Variants in PPP1R1C observed in about 807,000 individuals in gnomAD.
PPP1R1C encodes protein phosphatase 1 regulatory subunit 1C.
In PPP1R1C, 15 loss-of-function variants were observed where a neutral mutation model predicts 17.4. The ratio of observed to expected loss-of-function variants is 0.86; its 90% CI spans 0.58 to 1.33. PPP1R1C has a LOEUF of 1.33. PPP1R1C is among the 40% of genes most tolerant of loss of function. The pLI, the probability that PPP1R1C is intolerant of heterozygous loss-of-function variation, is 0.00. For synonymous variants in PPP1R1C, 35 were observed against 43.1 expected (o/e 0.81, Z 0.73); for missense variants, 143 against 130.0 (o/e 1.10, Z -0.48).
At chr2:182,088,882 GCAACATTCCTTATT>G (rs917877237) in intron 4 of PPP1R1C, among the ~76,000 whole-genome samples, 9 of 152,062 alleles carry the variant, frequency 5.9e-5, no homozygotes, top group Admixed American at 2.0e-4. Context: ...CCTGGTGCAC[GCAACATTCCTTATT>G]CAACATTCCT....
At chr2:181,990,315 A>T (rs142762997) in intron 2 of PPP1R1C, among the ~76,000 whole-genome samples, 1 of 147,408 alleles carries the variant, frequency 6.8e-6, no homozygotes, top group Admixed American at 6.8e-5. Flanking sequence ...ATTTTTTTGT[A>T]TTTTTTTTTT....
chr2:181,962,082 T>A lies in PPP1R1C; in HGVS notation n.111+7448T>A. On this transcript the variant is annotated intron_variant and non_coding_transcript_variant, in intron 1 of 5. Transcript: ENST00000464264. The surrounding 1 kb of genome is among the most constrained non-coding windows in gnomAD (Gnocchi z 6.0). ...AAGATCTGAACCCTCAGGTCCTCGATGGTCTTGAGGTAATGACTCCAGTCT... is the reference window on the plus strand; with the variant it reads ...AAGATCTGAACCCTCAGGTCCTCGAAGGTCTTGAGGTAATGACTCCAGTCT... The A allele has an allele frequency of 2.8e-6, 2 of 721,806 alleles. No individual in the cohort carries two copies. The highest frequency in any genetic ancestry group is 3.5e-5 in the Admixed American group (2 of 57,168). 44.7% of individuals were successfully genotyped at this position (721,806 alleles called of 1,614,324 possible).
At chr2:181,982,664 G>A (rs974714406), upstream of PPP1R1C, among the ~76,000 whole-genome samples, 1 of 152,152 alleles carries the variant, frequency 6.6e-6, no homozygotes, top group African/African-American at 2.4e-5. Context: ...GGTTAAAAAA[G>A]GGAGCGGGGA....
intron 2 of PPP1R1C, among the ~76,000 whole-genome samples, chr2:182,021,321 C>CTTTTT (rs71008205): frequency 3.3e-5 from 3 of 89,646 alleles, no homozygotes; most frequent in African/African-American, 8.0e-5. Flanking sequence ...CTCTCTCTCT[C>CTTTTT]TTTTTTTTTT....
intron 4 of PPP1R1C, among the ~76,000 whole-genome samples, chr2:182,089,776 C>A (rs1325745658): frequency 6.6e-6 from 1 of 152,056 alleles, no homozygotes; most frequent in African/African-American, 2.4e-5. Context: ...TTGTCTCAGT[C>A]ATATGCTTTG....
At chr2:182,110,466 G>T (rs1689384722) in intron 4 of PPP1R1C, among the ~76,000 whole-genome samples, 1 of 152,062 alleles carries the variant, frequency 6.6e-6, no homozygotes, top group African/African-American at 2.4e-5. Context: ...GTTTTCCTTG[G>T]TGAGCTCAGA....
intron 4 of PPP1R1C, among the ~76,000 whole-genome samples, chr2:182,100,478 C>T (rs574176795): frequency 6.6e-6 from 1 of 151,622 alleles, no homozygotes; most frequent in African/African-American, 2.4e-5. Context: ...CCACTGCACT[C>T]CCCACTAGCA....
chr2:182,128,259 A>T (rs1689924892), intron 5 of PPP1R1C, among the ~76,000 whole-genome samples: 2 of 152,104 alleles, frequency 1.3e-5, no homozygotes, highest in South Asian at 4.1e-4. Flanking sequence ...GATAATGATA[A>T]GTTTCTGGAA....
At chr2:181,985,850 C>T (rs150721710), upstream of PPP1R1C, 117 of 516,662 alleles carry the variant, frequency 2.3e-4, no homozygotes, top group Middle Eastern at 1.5e-3. The surrounding 1 kb of genome is among the most constrained non-coding windows in gnomAD (Gnocchi z 4.1). Flanking sequence ...ACACAATTAG[C>T]GTATTGTTCC....
In PPP1R1C at chr2:182,117,548, A is replaced by C. The variant is rs528312640; in HGVS notation, c.*253A>C. On this transcript the variant is annotated 3_prime_UTR_variant, in exon 5 of 5. Transcript: ENST00000682840. ...GATTCTTCTTTTTAACTATGTAAAA[A>C]TTTGCATACATGTGACTGTTCTAAC... The C allele has an allele frequency of 2.8e-5, 10 of 361,494 alleles. No homozygotes were observed. In the South Asian group the frequency reaches 6.4e-4, roughly 23 times the overall value. 22.4% of individuals were successfully genotyped at this position (361,494 alleles called of 1,614,324 possible).
At chr2:182,014,242 T>TCTGC (rs1559056377) in intron 2 of PPP1R1C, among the ~76,000 whole-genome samples, 33 of 152,224 alleles carry the variant, frequency 2.2e-4, no homozygotes, top group African/African-American at 6.5e-4. Context: ...ACTGTAGCTG[T>TCTGC]ATCTGCATTA....
chr2:182,116,651 T>G (rs748229257), intron 4 of PPP1R1C, among the ~76,000 whole-genome samples: 2 of 152,120 alleles, frequency 1.3e-5, no homozygotes, highest in African/African-American at 2.4e-5. Flanking sequence ...AGCAGGCAAA[T>G]GTATGCCAAT....
downstream of PPP1R1C, among the ~76,000 whole-genome samples, chr2:182,122,635 A>G (rs890441211): frequency 1.3e-5 from 2 of 152,194 alleles, no homozygotes; most frequent in African/African-American, 4.8e-5. Context: ...CCATTTCAAC[A>G]GATGCATATT....
chr2:182,083,109 C>T (rs1156535802), intron 4 of PPP1R1C, among the ~76,000 whole-genome samples: 3 of 152,110 alleles, frequency 2.0e-5, no homozygotes, highest in African/African-American at 7.2e-5. Flanking sequence ...CTCATAAATT[C>T]TCCAGGCTGC....
At chr2:182,081,358 T>C (rs1426793894) in intron 4 of PPP1R1C, among the ~76,000 whole-genome samples, 1 of 152,098 alleles carries the variant, frequency 6.6e-6, no homozygotes, top group Non-Finnish European at 1.5e-5. Context: ...TCCGGGTGAA[T>C]ACAAATGAGT....
chr2:182,107,649 T>G (rs1320497678), intron 4 of PPP1R1C, among the ~76,000 whole-genome samples: 1 of 152,138 alleles, frequency 6.6e-6, no homozygotes, highest in Admixed American at 6.5e-5. Context: ...GGGCACTTAG[T>G]ACTTTCTGAC....
At chr2:181,963,878 AC>A in intron 1 of PPP1R1C, among the ~76,000 whole-genome samples, 1 of 152,076 alleles carries the variant, frequency 6.6e-6, no homozygotes, top group Non-Finnish European at 1.5e-5. Context: ...ATATTTTGAT[AC>A]AGGCATACAA....
chr2:181,985,357 A>G (rs1290769394), upstream of PPP1R1C, among the ~76,000 whole-genome samples: 1 of 152,228 alleles, frequency 6.6e-6, no homozygotes, highest in African/African-American at 2.4e-5. This position sits in a 1 kb window ranked among gnomAD's most constrained non-coding sequence, Gnocchi z 4.1. Flanking sequence ...TCTGGAGGCC[A>G]CAGAGCTTGT....
chr2:182,015,692 C>G (rs1686243994), intron 2 of PPP1R1C, among the ~76,000 whole-genome samples: 1 of 152,088 alleles, frequency 6.6e-6, no homozygotes, highest in South Asian at 2.1e-4. Context: ...CAGGGTATGT[C>G]TAGAAATGTC....
Sources: gnomAD v4.1 joint callset for allele counts (sites outside exome capture counted in the v4.1 genomes callset) on GRCh38, gnomAD v4.1.1 for gene constraint, Gnocchi (gnomAD v3.1) non-coding constraint, MANE v1.5 for transcripts, NCBI Gene and HGNC (gene_info 2026-07-23, HGNC 2026-07-21) for gene names.